The following TPM4 variants were observed in gnomAD, a reference collection of about 807,000 sequenced individuals.
TPM4 encodes the protein tropomyosin alpha-4 chain.
A neutral mutation model predicts 35.8 loss-of-function variants in TPM4; 17 were observed. The ratio of observed to expected loss-of-function variants is 0.47; its 90% CI spans 0.32 to 0.71. The LOEUF (loss-of-function observed/expected upper bound fraction) is 0.71, where lower values mean the gene tolerates loss of function less well. TPM4 is among the 30% of genes least tolerant of loss of function. TPM4 has a pLI of 0.03. For missense variants in TPM4, 240 were observed against 320.9 expected (o/e 0.75, Z 1.93); for synonymous variants, 120 against 122.9 (o/e 0.98, Z 0.15).
In TPM4 at chr19:16,082,041, T is replaced by C; in HGVS notation, c.261T>C (p.Ser87=). 1 of 1,602,806 alleles carries C rather than the reference T, an allele frequency of 6.2e-7. No individual in the cohort carries two copies. Among genetic ancestry groups the C allele is most frequent in the Middle Eastern group, 1.7e-4 (1 of 6,012 alleles). ...LEEAEKAADE[S]ERGMKVIENR... is the part of the protein sequence containing the mutation. ...AGGCAGAAAAAGCTGCAGATGAGAG[T>C]GAGAGGTAAGGACGCTTTGAATCTG... Residue 87 remains serine, a synonymous_variant, in exon 2 of 8, where the codon AGT becomes AGC. Coordinates refer to ENST00000643579, the MANE Select transcript of TPM4 (RefSeq NM_003290.3).
chr19:16,078,152 C>T (rs1371262751), intron 1 of TPM4: 1 of 398,508 alleles, frequency 2.5e-6, no homozygotes, highest in South Asian at 1.3e-4. Flanking sequence ...GGAGCGAGGT[C>T]TGCATTCCAC....
intron 1 of TPM4, 151 bp downstream of exon 1, chr19:16,076,848 C>T (rs1233252957): frequency 4.8e-6 from 6 of 1,250,080 alleles, no homozygotes; most frequent in South Asian, 2.8e-5. Flanking sequence ...CATCCCTGCG[C>T]CCGCAGCCAG....
upstream of TPM4, among the ~76,000 whole-genome samples, chr19:16,073,523 G>C (rs1045148581): frequency 6.6e-6 from 1 of 152,120 alleles, no homozygotes; most frequent in African/African-American, 2.4e-5. Flanking sequence ...GGGTCGCAGA[G>C]CTTGGATTTG....
chr19:16,068,073 CTGTG>C (rs1177554880), intron 2 of TPM4: 15 of 390,332 alleles, frequency 3.8e-5, no homozygotes, highest in Non-Finnish European at 6.6e-5. Flanking sequence ...TGGGGACATG[CTGTG>C]TGTGTGTATT....
In TPM4 at chr19:16,067,608, C is replaced by T. The variant is rs771193252; in HGVS notation, c.-17C>T. The T allele has an allele frequency of 3.1e-6, 5 of 1,610,678 alleles. No individual in the cohort carries two copies. Among genetic ancestry groups the T allele is most frequent in the East Asian group, 2.2e-5 (1 of 44,792 alleles). The stretch of plus-strand genomic sequence containing the variant: ...AGCCCGCCGCGCACCCCACGTCCCC[C>T]ACGCCAGCGCCCAGCCATGGAGGCC... On this transcript the variant is annotated 5_prime_UTR_variant, in exon 2 of 3. Coordinates refer to the TPM4 transcript ENST00000589897. The surrounding 1 kb of genome is among the most constrained non-coding windows in gnomAD (Gnocchi z 4.1).
chr19:16,076,940 C>T (rs2090415809), intron 1 of TPM4: 1 of 838,886 alleles, frequency 1.2e-6, no homozygotes, highest in Non-Finnish European at 1.6e-6. Context: ...GCGGGGCCGG[C>T]CAAGCGGGAA....
At chr19:16,088,900 T>C (rs2090591453) in intron 4 of TPM4, 145 bp from the exon 5 acceptor site, 1 of 1,465,944 alleles carries the variant, frequency 6.8e-7, no homozygotes, top group Non-Finnish European at 9.0e-7. Context: ...GAAAAATCCA[T>C]TAACATTTTC....
At chr19:16,082,990 CAAAAAAAAAAAAA>C (rs1195606325) in intron 2 of TPM4, among the ~76,000 whole-genome samples, 3 of 62,854 alleles carry the variant, frequency 4.8e-5, no homozygotes, top group Non-Finnish European at 6.2e-5. Context: ...GATTCTGTCT[CAAAAAAAAAAAAA>C]AAAAAAAAAA....
upstream of TPM4, chr19:16,076,459 C>A: frequency 7.5e-7 from 1 of 1,335,730 alleles, no homozygotes; most frequent in Non-Finnish European, 9.5e-7. Context: ...GGGCGGCCCC[C>A]GCGCAGGCAA....
chr19:16,073,955 A>ACCC (rs1230049020), upstream of TPM4, among the ~76,000 whole-genome samples: 1 of 121,922 alleles, frequency 8.2e-6, no homozygotes, highest in Non-Finnish European at 1.7e-5. Flanking sequence ...AAAAAAAAAA[A>ACCC]AAAAACGCAA....
chr19:16,101,055 C>G (rs2090758456), intron 7 of TPM4: 1 of 390,390 alleles, frequency 2.6e-6, no homozygotes, highest in African/African-American at 2.1e-5. Flanking sequence ...TCTGTAATCC[C>G]AGCTACTCGG....
upstream of TPM4, among the ~76,000 whole-genome samples, chr19:16,071,976 C>A (rs575521950): frequency 6.6e-6 from 1 of 152,342 alleles, no homozygotes; most frequent in South Asian, 2.1e-4. Context: ...CACGCGCCAC[C>A]AGGCCCGGCT....
At chr19:16,100,047 T>C (rs2090746863) in intron 7 of TPM4, 1 of 152,214 alleles carries the variant, frequency 6.6e-6, no homozygotes, top group African/African-American at 2.4e-5. Context: ...GGTGGAAATT[T>C]ATATTAAGTC....
At chr19:16,095,718 G>T (rs942025248) in intron 7 of TPM4, 2 of 423,376 alleles carry the variant, frequency 4.7e-6, no homozygotes, top group African/African-American at 4.3e-5. Context: ...AGATACCGCT[G>T]TTAGCTAACG....
chr19:16,068,202 G>C (rs982559826), intron 2 of TPM4, among the ~76,000 whole-genome samples: 7 of 151,698 alleles, frequency 4.6e-5, no homozygotes, highest in Admixed American at 2.6e-4. Flanking sequence ...GTTTGAGACA[G>C]AGTCTCGCTC....
At chr19:16,079,947 C>G (rs1288343636) in intron 1 of TPM4, 1 of 178,038 alleles carries the variant, frequency 5.6e-6, no homozygotes, top group Non-Finnish European at 1.2e-5. Flanking sequence ...TGTGATCCAC[C>G]CACCTCCGCC....
At chr19:16,087,402 C>T (rs1439013836) in intron 3 of TPM4, among the ~76,000 whole-genome samples, 2 of 152,106 alleles carry the variant, frequency 1.3e-5, no homozygotes, top group Non-Finnish European at 2.9e-5. Context: ...CGTGGTGAAA[C>T]CCTGTCTCTA....
At position 16,101,327 on chromosome 19, in the gene TPM4, A is replaced by G; in HGVS notation, c.728A>G (p.Asn243Ser). 6.2e-7 allele frequency: 1 copy of G among 1,603,874 alleles called. No individual in the cohort carries two copies. Among genetic ancestry groups the G allele is most frequent in the South Asian group, 1.1e-5 (1 of 88,620 alleles). Residue 243 changes from asparagine to serine, a missense_variant, in exon 8 of 8, where the codon AAC becomes AGC. Transcript: ENST00000643579. ...CATCAGACACTGGATCAGACACTAA[A>G]CGAACTTAACTGTATATAAGCAAAA... is the stretch of plus-strand genomic sequence containing the variant. ...GLHQTLDQTL[N>S]ELNCI
intron 1 of TPM4, 31 bp from the exon 2 acceptor site, chr19:16,081,882 C>A (rs765395403): frequency 3.8e-6 from 6 of 1,558,882 alleles, no homozygotes; most frequent in Non-Finnish European, 1.8e-6. Context: ...CCTGATACTT[C>A]TTAACATGGC....
Sources: allele counts gnomAD v4.1 joint callset (sites outside exome capture counted in the v4.1 genomes callset), GRCh38; gene constraint gnomAD v4.1.1; non-coding constraint Gnocchi (gnomAD v3.1); transcripts MANE v1.5; gene names NCBI Gene and HGNC (gene_info 2026-07-23, HGNC 2026-07-21).